The following AHI1 variants were observed in gnomAD, a reference collection of about 807,000 sequenced individuals.
AHI1 encodes jouberin.
In AHI1, 123 loss-of-function variants were observed where a neutral mutation model predicts 149.3. The observed-to-expected ratio is 0.82, with a 90% CI of 0.71 to 0.96. AHI1 has a LOEUF of 0.96. AHI1 is among the 40% of genes least tolerant of loss of function. The pLI is 0.00. For synonymous variants in AHI1, 475 were observed against 459.8 expected (o/e 1.03, Z -0.42); for missense variants, 1,439 against 1,422.7 (o/e 1.01, Z -0.18).
chr6:135,328,527 A>C (rs140834612), intron 24 of AHI1, among the ~76,000 whole-genome samples: 1 of 152,132 alleles, frequency 6.6e-6, no homozygotes, highest in African/African-American at 2.4e-5. Flanking sequence ...TAATTGATAA[A>C]TGTTGTGTAT....
chr6:135,466,082 GC>G lies in AHI1; in HGVS notation c.480del (p.Lys160AsnfsTer23). On this transcript the variant is annotated frameshift_variant, in exon 7 of 29. Transcript: ENST00000265602. LOFTEE classifies it high-confidence loss of function. ...TTCTGATGATCAACGCCTGGCTGTG[GC>G]TTTGTATGTGTTTTCTGGTGTGTAG... ...VDSTHQKTHTKPQPGVDHQKS... is the reference protein window; with the variant it reads ...VDSTHQKTHTXPQPGVDHQKS... 6.2e-7 allele frequency: 1 copy of G among 1,613,854 alleles called. No homozygotes were observed. The highest frequency in any genetic ancestry group is 8.5e-7 in the Non-Finnish European group (1 of 1,179,844).
At chr6:135,446,975 T>C in intron 13 of AHI1, 33 bp downstream of exon 13, 2 of 1,584,026 alleles carry the variant, frequency 1.3e-6, no homozygotes, top group Non-Finnish European at 1.7e-6. Flanking sequence ...TAAGTAAACA[T>C]CTAAATAAAT....
Position 135,309,789 on chromosome 6 carries a change from AGTTTT to A in AHI1, c.3426+8725_3426+8729del, listed in dbSNP as rs759944061. 6.6e-5 allele frequency among the ~76,000 whole-genome samples: 10 copies of A among 152,180 alleles called. No homozygotes were observed. In the East Asian group the frequency reaches 1.9e-3, roughly 29 times the overall value. ...GAGCCACCGCGCCCGCCCGCAGGTT[AGTTTT>A]AACTTACTTATAAGGTAAGGCTTCA... On this transcript the variant is annotated intron_variant, in intron 26 of 28. Transcript: ENST00000265602.
intron 24 of AHI1, among the ~76,000 whole-genome samples, chr6:135,328,578 C>A (rs540742020): frequency 6.6e-6 from 1 of 152,010 alleles, no homozygotes; most frequent in Non-Finnish European, 1.5e-5. Flanking sequence ...CCTCTTACCC[C>A]CTACCACCAG....
intron 28 of AHI1, among the ~76,000 whole-genome samples, chr6:135,287,830 C>T (rs1425960853): frequency 1.3e-5 from 2 of 150,862 alleles, no homozygotes; most frequent in East Asian, 3.8e-4. Context: ...GGCATGGTGG[C>T]TCATGCCTGT....
At chr6:135,300,738 C>A in intron 26 of AHI1, 180 bp from the exon 27 acceptor site, 2 of 1,197,770 alleles carry the variant, frequency 1.7e-6, no homozygotes, top group Admixed American at 4.2e-5. Flanking sequence ...TATTTGCTCC[C>A]ATGAAAAACC....
chr6:135,480,457 TAA>T (rs879595836), intron 5 of AHI1, among the ~76,000 whole-genome samples: 4 of 145,484 alleles, frequency 2.7e-5, no homozygotes, highest in African/African-American at 2.5e-5. Context: ...GACCCTGTCT[TAA>T]AAAAAAAAAA....
chr6:135,350,446 A>C (rs1791910099), intron 24 of AHI1, among the ~76,000 whole-genome samples: 1 of 152,154 alleles, frequency 6.6e-6, no homozygotes, highest in South Asian at 2.1e-4. Context: ...TTATTCTTAC[A>C]GTTTCATCAT....
chr6:135,469,099 C>T (rs1324835767), intron 5 of AHI1, among the ~76,000 whole-genome samples: 2 of 152,124 alleles, frequency 1.3e-5, no homozygotes, highest in African/African-American at 4.8e-5. Context: ...AACACTGATG[C>T]AAATATCCTC....
intron 14 of AHI1, among the ~76,000 whole-genome samples, chr6:135,439,010 A>G (rs972345473): frequency 6.6e-6 from 1 of 152,200 alleles, no homozygotes; most frequent in Non-Finnish European, 1.5e-5. Context: ...TCAGACACAC[A>G]AAGCACTGTG....
chr6:135,363,951 C>T (rs1300725546), intron 23 of AHI1, among the ~76,000 whole-genome samples: 1 of 114,820 alleles, frequency 8.7e-6, no homozygotes, highest in African/African-American at 3.2e-5. Flanking sequence ...GGCTGACCCC[C>T]CCACCTCCCT....
intron 5 of AHI1, among the ~76,000 whole-genome samples, chr6:135,484,030 T>A (rs1434487711): frequency 9.3e-4 from 141 of 152,312 alleles, no homozygotes; most frequent in African/African-American, 3.1e-3. Flanking sequence ...CACATGGCTG[T>A]GGCCTCACAA....
At chr6:135,358,111 C>T (rs750837208) in intron 24 of AHI1, 21 bp downstream of exon 24, 26 of 1,606,214 alleles carry the variant, frequency 1.6e-5, no homozygotes, top group Middle Eastern at 1.7e-4. Context: ...CTTTTAACAA[C>T]GTAGCAACAG....
At chr6:135,319,504 C>T (rs897264579) in intron 25 of AHI1, among the ~76,000 whole-genome samples, 13 of 151,854 alleles carry the variant, frequency 8.6e-5, no homozygotes, top group South Asian at 4.2e-4. Flanking sequence ...TTTGGGAAGA[C>T]GATATGAAAT....
In AHI1 at chr6:135,285,544, T is replaced by C. The variant is rs1251300060; in HGVS notation, c.*101A>G. The C allele has an allele frequency of 1.2e-5, 15 of 1,219,776 alleles. No individual in the cohort carries two copies. Among genetic ancestry groups the C allele is most frequent in the Non-Finnish European group, 1.8e-5 (15 of 842,698 alleles). The allele number at this position is 1,219,776 out of a possible 1,614,324, so 75.6% of individuals were successfully genotyped here. On this transcript the variant is annotated 3_prime_UTR_variant, in exon 29 of 29. Coordinates refer to ENST00000265602, the MANE Select transcript of AHI1 (RefSeq NM_001134831.2). ...CAAGAAGTAGTGGATCCTTTCTTCC[T>C]CCTTAGTATCTGAAAATTCTGAACT...
chr6:135,379,763 A>C (rs572065278), intron 23 of AHI1, among the ~76,000 whole-genome samples: 29 of 152,172 alleles, frequency 1.9e-4, no homozygotes, highest in Admixed American at 1.8e-3. Context: ...CAATCTAGCT[A>C]TACTGACCTC....
At position 135,353,161 on chromosome 6, in the gene AHI1, G is replaced by A. The variant is rs180704393; in HGVS notation, c.3165+4971C>T. 3.7e-3 allele frequency among the ~76,000 whole-genome samples: 568 copies of A among 152,108 alleles called. 3 individuals are homozygous for A. Among genetic ancestry groups the A allele is most frequent in the Non-Finnish European group, 6.8e-3 (461 of 67,940 alleles). ...CTTATACTTAAACATGTTATATTAC[G>A]GAAGACTACAAGTGGTTGTTAAAGA... On this transcript the variant is annotated intron_variant, in intron 24 of 28. Transcript: ENST00000265602.
In AHI1 at chr6:135,340,196, C is replaced by T. The variant is rs879886670; in HGVS notation, c.3166-16872G>A. Among the ~76,000 whole-genome samples, 3 of 152,068 alleles carry T rather than the reference C, an allele frequency of 2.0e-5. No individual in the cohort carries two copies. The East Asian group carries it at 5.8e-4, about 29-fold the overall frequency. On this transcript the variant is annotated intron_variant, in intron 24 of 28. Coordinates refer to ENST00000265602, the MANE Select transcript of AHI1 (RefSeq NM_001134831.2). ...ACCAGCCTGACCAACACGGTGAAACCCTGTATCTACTAAAAATACAAAAAA... is the reference window on the plus strand; with the variant it reads ...ACCAGCCTGACCAACACGGTGAAACTCTGTATCTACTAAAAATACAAAAAA...
intron 24 of AHI1, 98 bp from the exon 25 acceptor site, chr6:135,323,422 A>G: frequency 1.5e-6 from 2 of 1,324,480 alleles, no homozygotes; most frequent in South Asian, 1.4e-5. Context: ...GCTGAAACCA[A>G]AGCAGTACTT....
Sources: allele counts gnomAD v4.1 joint callset (sites outside exome capture counted in the v4.1 genomes callset), GRCh38; gene constraint gnomAD v4.1.1; transcripts MANE v1.5; gene names NCBI Gene and HGNC (gene_info 2026-07-23, HGNC 2026-07-21).